The following CPLANE1 variants were observed in gnomAD, a reference collection of about 807,000 sequenced individuals.
The protein encoded by CPLANE1 is ciliogenesis and planar polarity effector 1.
Under a neutral mutation model 362.5 loss-of-function variants are expected in CPLANE1, and 263 were observed. The observed-to-expected ratio is 0.73, with a 90% CI of 0.66 to 0.80. CPLANE1 has a LOEUF of 0.80. CPLANE1 is among the 30% of genes least tolerant of loss of function. CPLANE1 has a pLI of 0.00. For missense variants in CPLANE1, 3,461 were observed against 3,793.4 expected, an observed-to-expected ratio of 0.91 and a Z score of 2.30; for synonymous variants, 1,212 against 1,302.6, an observed-to-expected ratio of 0.93 and a Z score of 1.50.
chr5:37,091,461 TATAACCCCCA>T, the CPLANE1 span, among the ~76,000 whole-genome samples: 1 of 152,088 alleles, frequency 6.6e-6, no homozygotes, highest in African/African-American at 2.4e-5. Context: ...AGGCATCCCA[TATAACCCCCA>T]AGGACAAGCC....
the CPLANE1 span, among the ~76,000 whole-genome samples, chr5:37,094,003 G>C: frequency 9.2e-6 from 1 of 109,150 alleles, no homozygotes; most frequent in Non-Finnish European, 1.7e-5. Flanking sequence ...ATAGCGCTGG[G>C]AGGGGTGGAG....
At chr5:37,163,002 G>T (rs1164970523) in intron 37 of CPLANE1, among the ~76,000 whole-genome samples, 5 of 152,222 alleles carry the variant, frequency 3.3e-5, no homozygotes, top group African/African-American at 1.2e-4. Context: ...TCTCAATGAA[G>T]TGTTATGTAA....
At chr5:37,108,650 C>T (rs539847781) in intron 51 of CPLANE1, among the ~76,000 whole-genome samples, 179 bp from the exon 52 acceptor site, 6 of 152,228 alleles carry the variant, frequency 3.9e-5, no homozygotes, top group Admixed American at 2.6e-4. Context: ...TGTCACTGTA[C>T]GAGATGGAAA....
chr5:37,075,972 G>A, the CPLANE1 span, among the ~76,000 whole-genome samples: 195 of 152,172 alleles, frequency 1.3e-3, no homozygotes, highest in African/African-American at 4.6e-3. Flanking sequence ...GGCTGGGCAC[G>A]GTGGCTCACA....
chr5:37,093,032 C>T, the CPLANE1 span, among the ~76,000 whole-genome samples: 2 of 152,110 alleles, frequency 1.3e-5, no homozygotes, highest in African/African-American at 4.8e-5. Flanking sequence ...ATTTGACATG[C>T]GATTGGCAAG....
the CPLANE1 span, chr5:37,085,299 C>G: frequency 2.9e-6 from 3 of 1,044,990 alleles, no homozygotes; most frequent in East Asian, 4.7e-5. Context: ...TATAACCTAC[C>G]CTGCTGGATT....
chr5:37,188,224 T>C (rs1262996584), intron 21 of CPLANE1, among the ~76,000 whole-genome samples: 1 of 152,186 alleles, frequency 6.6e-6, no homozygotes, highest in Non-Finnish European at 1.5e-5. Flanking sequence ...ATATACTAAG[T>C]CTTCTTGTTG....
downstream of CPLANE1, among the ~76,000 whole-genome samples, chr5:37,103,986 C>G (rs1483627412): frequency 6.6e-6 from 1 of 152,186 alleles, no homozygotes; most frequent in Non-Finnish European, 1.5e-5. Flanking sequence ...TTCTCCCCAT[C>G]TCTTTCAGGT....
rs184261741 is a variant in CPLANE1, at chr5:37,211,563, C to T, written c.2920+1996G>A. 1.3e-4 allele frequency: 144 copies of T among 1,097,432 alleles called. 1 individual carries two copies. In the East Asian group the frequency reaches 2.7e-3, roughly 21 times the overall value. 68.0% of individuals were successfully genotyped at this position (1,097,432 alleles called of 1,614,324 possible). ...GCTATGCGGGGGCACTTCCTCCAGACGCCTCTCCTCCACACCCCTTCCAAA... is the reference window on the plus strand; with the variant it reads ...GCTATGCGGGGGCACTTCCTCCAGATGCCTCTCCTCCACACCCCTTCCAAA... On this transcript the variant is annotated intron_variant, in intron 16 of 52. Coordinates refer to ENST00000651892, the MANE Select transcript of CPLANE1 (RefSeq NM_001384732.1).
intron 16 of CPLANE1, chr5:37,212,128 T>C: frequency 1.0e-6 from 1 of 986,186 alleles, no homozygotes; most frequent in Non-Finnish European, 1.6e-6. Flanking sequence ...GAAAGGAGGA[T>C]GACTGAAGAA....
At chr5:37,119,480 C>G (rs949061703) in intron 50 of CPLANE1, among the ~76,000 whole-genome samples, 2 of 151,582 alleles carry the variant, frequency 1.3e-5, no homozygotes, top group African/African-American at 2.4e-5. Context: ...AGACCAGCCT[C>G]ACCAACATGG....
intron 8 of CPLANE1, among the ~76,000 whole-genome samples, chr5:37,238,522 T>A (rs1799563632): frequency 8.6e-6 from 1 of 116,794 alleles, no homozygotes; most frequent in Non-Finnish European, 1.7e-5. Flanking sequence ...TGAGATAGGG[T>A]CTTGCTCTGT....
the CPLANE1 span, among the ~76,000 whole-genome samples, chr5:37,090,261 A>C: frequency 6.6e-6 from 1 of 152,194 alleles, no homozygotes. Flanking sequence ...CTTTCTCACC[A>C]AACACTCCCC....
the CPLANE1 span, among the ~76,000 whole-genome samples, chr5:37,076,572 A>G: frequency 6.6e-6 from 1 of 151,966 alleles, no homozygotes; most frequent in African/African-American, 2.4e-5. Flanking sequence ...TCAATCTCCC[A>G]AAGTGCTGGA....
At chr5:37,138,478 C>T (rs1295522419) in intron 46 of CPLANE1, 2 of 619,104 alleles carry the variant, frequency 3.2e-6, no homozygotes, top group Non-Finnish European at 3.0e-6. Flanking sequence ...TAGTAAGAGA[C>T]AGGATTAAAT....
At chr5:37,152,223 C>G (rs1404641740) in intron 42 of CPLANE1, among the ~76,000 whole-genome samples, 1 of 152,002 alleles carries the variant, frequency 6.6e-6, no homozygotes, top group Non-Finnish European at 1.5e-5. Flanking sequence ...GACACCCAGG[C>G]TACAGTGCAG....
chr5:37,104,138 C>T (rs1757428602), downstream of CPLANE1, among the ~76,000 whole-genome samples: 1 of 152,134 alleles, frequency 6.6e-6, no homozygotes, highest in South Asian at 2.1e-4. Context: ...AGATTCTTTT[C>T]TCCACTTGGC....
chr5:37,198,667 A>T, intron 20 of CPLANE1, 35 bp downstream of exon 20: 1 of 1,578,142 alleles, frequency 6.3e-7, no homozygotes. Context: ...AATTTCAGTT[A>T]ACACAGCATG....
chr5:37,241,186 G>A (rs755156084), intron 6 of CPLANE1, among the ~76,000 whole-genome samples: 4 of 152,024 alleles, frequency 2.6e-5, no homozygotes, highest in Admixed American at 2.0e-4. Flanking sequence ...AGGCATGGTG[G>A]CTAATGCCTG....
Sources: gnomAD v4.1 joint callset for allele counts (sites outside exome capture counted in the v4.1 genomes callset) on GRCh38, gnomAD v4.1.1 for gene constraint, MANE v1.5 for transcripts, NCBI Gene and HGNC (gene_info 2026-07-23, HGNC 2026-07-21) for gene names.